Variants in EIF3H observed in about 807,000 individuals in gnomAD.
EIF3H encodes the protein eIF-3-gamma.
EIF3H carries 26 observed loss-of-function variants against 44.2 expected under a neutral mutation model. The ratio of observed to expected loss-of-function variants is 0.59; its 90% CI spans 0.43 to 0.82. The LOEUF (loss-of-function observed/expected upper bound fraction) is 0.82. Ranked by LOEUF, EIF3H falls within the 40% of genes least tolerant of loss-of-function variation. The pLI is 0.00. For synonymous variants in EIF3H, 166 were observed against 151.9 expected (o/e 1.09, Z -0.68); for missense variants, 359 against 432.8 (o/e 0.83, Z 1.51).
chr8:116,646,745 T>C, intron 6 of EIF3H, 142 bp from the exon 7 acceptor site: 1 of 1,181,402 alleles, frequency 8.5e-7, no homozygotes, highest in South Asian at 1.5e-5. Context: ...TTTGGTAACT[T>C]GCGTCTAAGA....
intron 1 of EIF3H, among the ~76,000 whole-genome samples, chr8:116,752,828 G>GGAAGGAAGGAAGGAAA (rs1285435870): frequency 7.4e-6 from 1 of 134,774 alleles, no homozygotes; most frequent in Admixed American, 7.3e-5. Flanking sequence ...AAGGAAGGAA[G>GGAAGGAAGGAAGGAAA]GAAAGAGAGA....
At chr8:116,730,102 T>C (rs954126834) in intron 1 of EIF3H, among the ~76,000 whole-genome samples, 2 of 152,226 alleles carry the variant, frequency 1.3e-5, no homozygotes, top group Admixed American at 1.3e-4. Context: ...TCCTATTTCC[T>C]ACATACACAC....
chr8:116,668,449 A>G (rs1813702144), intron 2 of EIF3H, among the ~76,000 whole-genome samples: 1 of 152,188 alleles, frequency 6.6e-6, no homozygotes, highest in Admixed American at 6.5e-5. Flanking sequence ...CAATGCATAC[A>G]ATGTTAAAGA....
chr8:116,738,722 A>G (rs1815082204), intron 1 of EIF3H, among the ~76,000 whole-genome samples: 1 of 152,260 alleles, frequency 6.6e-6, no homozygotes, highest in South Asian at 2.1e-4. Flanking sequence ...AAGTAATTTT[A>G]AACTGTTAGA....
At chr8:116,765,059 T>C (rs922538180) in intron 1 of EIF3H, among the ~76,000 whole-genome samples, 1 of 152,152 alleles carries the variant, frequency 6.6e-6, no homozygotes, top group Admixed American at 6.6e-5. Context: ...CTGAGGCTAT[T>C]TAAGAAAAAA....
chr8:116,718,873 T>C (rs889431886), intron 2 of EIF3H, among the ~76,000 whole-genome samples: 10 of 151,554 alleles, frequency 6.6e-5, no homozygotes, highest in East Asian at 5.8e-4. Flanking sequence ...CAAAAACCTA[T>C]TGAAATAAAA....
chr8:116,677,226 T>C (rs1002799439), intron 2 of EIF3H, among the ~76,000 whole-genome samples: 2 of 152,206 alleles, frequency 1.3e-5, no homozygotes, highest in Admixed American at 6.5e-5. Context: ...AAAATAAAGA[T>C]AATATGTTAG....
At chr8:116,726,233 T>C in intron 1 of EIF3H, 61 bp from the exon 2 acceptor site, 1 of 1,512,156 alleles carries the variant, frequency 6.6e-7, no homozygotes, top group Non-Finnish European at 8.8e-7. Context: ...TTTCCTTTAT[T>C]TCTAAGAAAA....
At chr8:116,710,887 A>T (rs1452149412) in intron 2 of EIF3H, among the ~76,000 whole-genome samples, 1 of 152,220 alleles carries the variant, frequency 6.6e-6, no homozygotes, top group Non-Finnish European at 1.5e-5. Flanking sequence ...AAGGCTGTAG[A>T]GACTCAAGAC....
chr8:116,697,267 A>T, intron 2 of EIF3H: 1 of 445,504 alleles, frequency 2.2e-6, no homozygotes, highest in Non-Finnish European at 4.5e-6. Flanking sequence ...ACAAAAAAAG[A>T]ATAGATTTTT....
At chr8:116,733,381 A>C (rs1278573607) in intron 1 of EIF3H, among the ~76,000 whole-genome samples, 1 of 152,228 alleles carries the variant, frequency 6.6e-6, no homozygotes, top group Admixed American at 6.5e-5. Context: ...GTGGGGCTGA[A>C]GGTTCCAACC....
At chr8:116,710,347 T>C (rs965842626) in intron 2 of EIF3H, among the ~76,000 whole-genome samples, 20 of 152,174 alleles carry the variant, frequency 1.3e-4, no homozygotes, top group African/African-American at 4.8e-4. Flanking sequence ...AGAACACATT[T>C]TTCTTCCCCT....
rs1344002166 is a variant in EIF3H at position 116,706,161 on chromosome 8, T to C, written c.289+19855A>G. Reference sequence around the variant, plus strand: ...TGATGACAGCTGATGAGTCATCAATTCAACTAGATTACTACAGATAGCTTA... The same window carrying C: ...TGATGACAGCTGATGAGTCATCAATCCAACTAGATTACTACAGATAGCTTA... On this transcript the variant is annotated intron_variant, in intron 2 of 7. Coordinates refer to ENST00000521861, the MANE Select transcript of EIF3H (RefSeq NM_003756.3). Among the ~76,000 whole-genome samples, 5 of 152,336 alleles carry C rather than the reference T, an allele frequency of 3.3e-5. No homozygotes were observed. The East Asian group carries it at 9.6e-4, about 29-fold the overall frequency.
chr8:116,680,266 G>A (rs1813958275), intron 2 of EIF3H, among the ~76,000 whole-genome samples: 1 of 48,408 alleles, frequency 2.1e-5, no homozygotes, highest in Non-Finnish European at 5.5e-5. Context: ...CTTCTGCCCG[G>A]CCGCCCCTAC....
chr8:116,715,341 G>GAAA (rs35579703), intron 2 of EIF3H, among the ~76,000 whole-genome samples: 2 of 147,966 alleles, frequency 1.4e-5, no homozygotes, highest in Non-Finnish European at 3.0e-5. Context: ...TACTGAAAAT[G>GAAA]AAAAAAAAAC....
At chr8:116,749,751 G>A (rs540049678) in intron 1 of EIF3H, among the ~76,000 whole-genome samples, 2 of 92,342 alleles carry the variant, frequency 2.2e-5, no homozygotes, top group South Asian at 3.6e-4. Flanking sequence ...ACAGCTTTAC[G>A]ACATGCTTAG....
chr8:116,646,568 G>A lies in EIF3H; in HGVS notation c.864C>T (p.Arg288=), dbSNP rs1813304772. 4.3e-6 allele frequency: 7 copies of A among 1,614,092 alleles called. 1 individual carries two copies. Among genetic ancestry groups the A allele is most frequent in the Non-Finnish European group, 5.1e-6 (6 of 1,180,004 alleles). ...GGAGCGGGGGTTCTCCTCGGCTCTG[G>A]CGCTGCATATTCTCCTGCTGGCGAC... ...QQRRQQENMQ[R]QSRGEPPLPE... is the part of the protein sequence containing the mutation. Residue 288 remains arginine (R), a synonymous_variant, in exon 7 of 8, where the codon CGC becomes CGT. Coordinates refer to ENST00000521861, the MANE Select transcript of EIF3H (RefSeq NM_003756.3).
chr8:116,712,520 T>C (rs552283252), intron 2 of EIF3H, among the ~76,000 whole-genome samples: 5 of 152,326 alleles, frequency 3.3e-5, no homozygotes, highest in Non-Finnish European at 7.4e-5. Context: ...AAATACTGCC[T>C]TTGTTTTCAA....
At chr8:116,700,221 T>C (rs575218338) in intron 2 of EIF3H, among the ~76,000 whole-genome samples, 1 of 152,188 alleles carries the variant, frequency 6.6e-6, no homozygotes, top group Non-Finnish European at 1.5e-5. Context: ...CCTAAATTAA[T>C]TGCCTAGGGA....
Sources: gnomAD v4.1 joint callset for allele counts (sites outside exome capture counted in the v4.1 genomes callset) on GRCh38, gnomAD v4.1.1 for gene constraint, MANE v1.5 for transcripts, NCBI Gene and HGNC (gene_info 2026-07-23, HGNC 2026-07-21) for gene names.